Variants in URB1 observed in about 807,000 individuals in gnomAD.
URB1 encodes nucleolar pre-ribosomal-associated protein 1.
Under a neutral mutation model 242.3 loss-of-function variants are expected in URB1, and 197 were observed. That is an observed-to-expected ratio of 0.81 (90% CI 0.72 to 0.91). The LOEUF (loss-of-function observed/expected upper bound fraction) is 0.91. URB1 is among the 40% of genes least tolerant of loss of function. The probability of loss-of-function intolerance (pLI) is 0.00; values close to 1 mark genes in which losing one functional copy is unlikely to be tolerated. For missense variants in URB1, 2,721 were observed against 2,860.5 expected, an observed-to-expected ratio of 0.95 and a Z score of 1.11; for synonymous variants, 1,153 against 1,201.8, an observed-to-expected ratio of 0.96 and a Z score of 0.84.
chr21:32,371,580 A>T (rs1601152075), intron 8 of URB1, among the ~76,000 whole-genome samples: 1 of 152,370 alleles, frequency 6.6e-6, no homozygotes, highest in East Asian at 1.9e-4. Context: ...TCATAAGCAG[A>T]CAGAAAAACT....
At chr21:32,344,817 A>G (rs986605664) in intron 23 of URB1, 61 bp from the exon 24 acceptor site, 21 of 1,485,296 alleles carry the variant, frequency 1.4e-5, no homozygotes, top group African/African-American at 7.0e-5. Flanking sequence ...GACTTTACGT[A>G]TAATCCAGCA....
chr21:32,378,503 A>G lies in URB1; in HGVS notation c.606T>C (p.Ala202=). Residue 202 remains alanine, a synonymous_variant, in exon 5 of 39, where the codon GCT becomes GCC. Coordinates refer to ENST00000382751, the MANE Select transcript of URB1 (RefSeq NM_014825.3). ...CATCACCCGCAATTAAAAAGGAGAG[A>G]GCAAACTGAACGTAGGCCTGCCGAA... ...YDVRQAYVQF[A]LSFLIAGDDS... 3.9e-6 allele frequency: 6 copies of G among 1,551,702 alleles called. No individual in the cohort carries two copies. Among genetic ancestry groups the G allele is most frequent in the African/African-American group, 1.4e-5 (1 of 73,160 alleles).
chr21:32,356,345 T>C (rs981166688), intron 15 of URB1, among the ~76,000 whole-genome samples: 2 of 152,186 alleles, frequency 1.3e-5, no homozygotes, highest in Non-Finnish European at 2.9e-5. Flanking sequence ...TGAACCGTGA[T>C]TGTAGCAGTG....
At chr21:32,321,680 C>T in intron 34 of URB1, 121 bp downstream of exon 34, 1 of 1,407,788 alleles carries the variant, frequency 7.1e-7, no homozygotes, top group Non-Finnish European at 9.5e-7. Flanking sequence ...AACTGAGAGC[C>T]AGGGTTAGGT....
At chr21:32,367,499 C>A (rs1033720001) in intron 9 of URB1, among the ~76,000 whole-genome samples, 1 of 152,204 alleles carries the variant, frequency 6.6e-6, no homozygotes, top group African/African-American at 2.4e-5. Flanking sequence ...CAGGTAGAGG[C>A]ACAAGAAACA....
At chr21:32,387,991 G>A (rs1223406352) in intron 1 of URB1, among the ~76,000 whole-genome samples, 17 of 152,220 alleles carry the variant, frequency 1.1e-4, no homozygotes, top group Admixed American at 9.8e-4. Flanking sequence ...CTGCAGGTGA[G>A]CTCCACTAGC....
rs759948873 is a variant in URB1 at position 32,354,926 on chromosome 21, G to A, written c.2178C>T (p.Ser726=). 32 of 1,552,246 alleles carry A rather than the reference G, an allele frequency of 2.1e-5. No homozygotes were observed. In the South Asian group the frequency reaches 3.6e-4, roughly 17 times the overall value. The change falls in exon 17 of 39, where the codon AGC becomes AGT. Residue 726 remains serine (S), a synonymous_variant. Coordinates refer to ENST00000382751, the MANE Select transcript of URB1 (RefSeq NM_014825.3). ...GCTTCGTCATAGTGGCCTGCAGCAT[G>A]CTTGCTTCTTGGACAAAGTCAGATG... is the stretch of plus-strand genomic sequence containing the variant. ...DKASDFVQEA[S]MLQATMTKQE... is the part of the protein sequence containing the mutation.
At chr21:32,366,586 G>C in intron 10 of URB1, 32 bp downstream of exon 10, 1 of 1,550,216 alleles carries the variant, frequency 6.5e-7, no homozygotes. Context: ...GCTGGAGGCA[G>C]TTCCAGAAGT....
At chr21:32,337,357 C>G (rs929572958) in intron 27 of URB1, 47 bp downstream of exon 27, 3 of 1,507,034 alleles carry the variant, frequency 2.0e-6, no homozygotes, top group Non-Finnish European at 2.7e-6. Flanking sequence ...CACCCCCGGC[C>G]CTCACTCCCT....
intron 1 of URB1, among the ~76,000 whole-genome samples, chr21:32,390,098 C>T (rs1285962917): frequency 2.0e-5 from 3 of 152,204 alleles, no homozygotes; most frequent in Admixed American, 1.3e-4. Flanking sequence ...AAGTTCAACA[C>T]AGCCTCAAAC....
chr21:32,384,735 A>C (rs1244273519), intron 2 of URB1, among the ~76,000 whole-genome samples: 1 of 152,096 alleles, frequency 6.6e-6, no homozygotes, highest in African/African-American at 2.4e-5. Context: ...TAATCCCAGC[A>C]CTTTGGGAGG....
intron 4 of URB1, among the ~76,000 whole-genome samples, chr21:32,380,887 C>T (rs1324151251): frequency 6.6e-6 from 1 of 152,228 alleles, no homozygotes; most frequent in Non-Finnish European, 1.5e-5. Flanking sequence ...TGCCATTCTA[C>T]ATCTTTCTAT....
rs924972431 is a variant in URB1, at chr21:32,355,359, T to C, written c.2106+90A>G. Reference sequence around the variant, plus strand: ...TAAGCCAGGACGAGAAGCCTTTTGGTGCTGGTGCATCAAAAATGCCTCGAT... The same window carrying C: ...TAAGCCAGGACGAGAAGCCTTTTGGCGCTGGTGCATCAAAAATGCCTCGAT... On this transcript the variant is annotated intron_variant, in intron 16 of 38. Transcript: ENST00000382751. The C allele has an allele frequency of 4.3e-6, 5 of 1,149,468 alleles. No homozygotes were observed. In the African/African-American group the frequency reaches 7.7e-5, roughly 18 times the overall value. The allele number at this position is 1,149,468 out of a possible 1,614,324, so 71.2% of individuals were successfully genotyped here. A position where few individuals can be genotyped will look rare whatever the true frequency, so the allele number is the denominator to read the frequency against.
chr21:32,338,369 T>G (rs2032986932), intron 26 of URB1, among the ~76,000 whole-genome samples: 1 of 152,140 alleles, frequency 6.6e-6, no homozygotes, highest in African/African-American at 2.4e-5. Context: ...ACTAATCAAT[T>G]TCTCTCAGGT....
chr21:32,326,531 A>G (rs994512502), intron 30 of URB1, among the ~76,000 whole-genome samples: 1 of 152,204 alleles, frequency 6.6e-6, no homozygotes, highest in Admixed American at 6.5e-5. Context: ...TTGTGGCCCT[A>G]CCCAAATCTC....
At chr21:32,388,439 G>C (rs1322038169) in intron 1 of URB1, among the ~76,000 whole-genome samples, 1 of 152,252 alleles carries the variant, frequency 6.6e-6, no homozygotes, top group Admixed American at 6.5e-5. Context: ...GGTGTTTTCA[G>C]ATCCCCTTTT....
Position 32,311,587 on chromosome 21 carries a change from G to C in URB1, c.*3331C>G, listed in dbSNP as rs1190887949. 1 of 1,526,910 alleles carries C rather than the reference G, an allele frequency of 6.5e-7. No homozygotes were observed. The highest frequency in any genetic ancestry group is 8.8e-7 in the Non-Finnish European group (1 of 1,136,430). The allele number at this position is 1,526,910 out of a possible 1,614,324, so 94.6% of individuals were successfully genotyped here. ...TGTGTGGCCTTCCCTATGGGGTCCG[G>C]GCAGATGGCAGGTGTGGCAGGAAAC... On this transcript the variant is annotated 3_prime_UTR_variant, in exon 39 of 39. Transcript: ENST00000382751.
At chr21:32,362,837 C>A (rs1345779571) in intron 11 of URB1, among the ~76,000 whole-genome samples, 2 of 152,164 alleles carry the variant, frequency 1.3e-5, no homozygotes, top group African/African-American at 2.4e-5. Flanking sequence ...ATCTACCCCT[C>A]GACAACATCA....
In URB1 at chr21:32,338,750, T is replaced by C. The variant is rs1225043005; in HGVS notation, c.4467A>G (p.Leu1489=). ...LMQHSLFLPT[L]LTSDGEESPD... ...GGCTCTCCTCTCCGTCAGACGTCAG[T>C]AGAGTCGGCAGAAACAGCGAGTGCT... Residue 1489 remains leucine, a synonymous_variant, in exon 26 of 39, where the codon CTA becomes CTG. Transcript: ENST00000382751. The C allele has an allele frequency of 3.9e-6, 6 of 1,551,600 alleles. No individual in the cohort carries two copies. The highest frequency in any genetic ancestry group is 2.7e-5 in the African/African-American group (2 of 73,132).
Sources: gnomAD v4.1 joint callset for allele counts (sites outside exome capture counted in the v4.1 genomes callset) on GRCh38, gnomAD v4.1.1 for gene constraint, MANE v1.5 for transcripts, NCBI Gene and HGNC (gene_info 2026-07-23, HGNC 2026-07-21) for gene names.